Variants in PRKG2 observed in about 807,000 individuals in gnomAD.
PRKG2 encodes the protein protein kinase cGMP-dependent 2.
In PRKG2, 33 loss-of-function variants were observed where a neutral mutation model predicts 97.2. That is an observed-to-expected ratio of 0.34 (90% CI 0.26 to 0.45). PRKG2 has a LOEUF of 0.45. Ranked by LOEUF, PRKG2 falls within the 20% of genes least tolerant of loss-of-function variation. The probability of loss-of-function intolerance (pLI) is 1.00; values close to 1 mark genes in which losing one functional copy is unlikely to be tolerated. For synonymous variants in PRKG2, 330 were observed against 321.8 expected (o/e 1.03, Z -0.27); for missense variants, 638 against 900.0 (o/e 0.71, Z 3.73).
chr4:81,141,227 T>C lies in PRKG2; in HGVS notation c.1408-558A>G, dbSNP rs534583912. Among the ~76,000 whole-genome samples, 7 of 152,214 alleles carry C rather than the reference T, an allele frequency of 4.6e-5. No homozygotes were observed. In the South Asian group the frequency reaches 1.0e-3, roughly 23 times the overall value. On this transcript the variant is annotated intron_variant, in intron 11 of 18. Transcript: ENST00000264399. Reference sequence around the variant, plus strand: ...GGCCTCACTATGTTGCTCAGGCTAATTTCAAACTCCTGAGCCCAAGCAATC... The same window carrying C: ...GGCCTCACTATGTTGCTCAGGCTAACTTCAAACTCCTGAGCCCAAGCAATC...
intron 2 of PRKG2, among the ~76,000 whole-genome samples, chr4:81,194,597 TTCTC>T (rs144412702): frequency 1.3e-5 from 2 of 151,924 alleles, no homozygotes; most frequent in East Asian, 1.9e-4. Flanking sequence ...AACAAAACAT[TTCTC>T]TCTCTCTCTT....
intron 6 of PRKG2, among the ~76,000 whole-genome samples, chr4:81,160,361 T>C (rs1749508423): frequency 6.6e-6 from 1 of 152,144 alleles, no homozygotes; most frequent in Non-Finnish European, 1.5e-5. Flanking sequence ...TTTCACAGAG[T>C]AAATTCACCT....
chr4:81,171,365 A>G (rs1560600510), intron 4 of PRKG2, among the ~76,000 whole-genome samples: 1 of 152,132 alleles, frequency 6.6e-6, no homozygotes, highest in Non-Finnish European at 1.5e-5. Flanking sequence ...ATGGCTGTGT[A>G]GCATTCCATA....
At chr4:81,126,649 A>G (rs1745602195) in intron 14 of PRKG2, among the ~76,000 whole-genome samples, 1 of 151,928 alleles carries the variant, frequency 6.6e-6, no homozygotes, top group Admixed American at 6.6e-5. Flanking sequence ...TTTCTTTCAT[A>G]TGTTTTTTGC....
At chr4:81,167,743 T>C (rs1284777798) in intron 5 of PRKG2, among the ~76,000 whole-genome samples, 1 of 152,026 alleles carries the variant, frequency 6.6e-6, no homozygotes, top group African/African-American at 2.4e-5. Flanking sequence ...CTTTTAAAAT[T>C]AATGATAGCC....
Position 81,137,394 on chromosome 4 carries a change from T to C in PRKG2, c.1633A>G (p.Arg545Gly). ...TGAGTATACAAACTTTTTCATTACC[T>C]GTCCCTTAATATACTCCAGAGCTCC... ...GGELWSILRD[R>G]GSFDEPTSKF... is the part of the protein sequence containing the mutation. Residue 545 changes from arginine to glycine, a missense_variant and splice_region_variant, in exon 13 of 19, where the codon AGA (arginine) becomes GGA (glycine). Coordinates refer to ENST00000264399, the MANE Select transcript of PRKG2 (RefSeq NM_006259.3). 6.2e-7 allele frequency: 1 copy of C among 1,602,116 alleles called. No individual in the cohort carries two copies. The highest frequency in any genetic ancestry group is 8.6e-7 in the Non-Finnish European group (1 of 1,169,182).
chr4:81,124,603 G>A (rs994673885), intron 14 of PRKG2, among the ~76,000 whole-genome samples: 4 of 152,110 alleles, frequency 2.6e-5, no homozygotes, highest in Non-Finnish European at 5.9e-5. Flanking sequence ...GGCCCACCTG[G>A]AGAAGAATTA....
At chr4:81,153,410 C>CA (rs1748614064) in intron 7 of PRKG2, 2 of 392,764 alleles carry the variant, frequency 5.1e-6, no homozygotes, top group Non-Finnish European at 9.2e-6. Context: ...GGTCTCTCCC[C>CA]AAAAAATCAA....
chr4:81,105,850 T>C lies in PRKG2; in HGVS notation c.2026A>G (p.Thr676Ala), dbSNP rs745909792. ...CGAATCAAATCCTCAGGTCGTCGTG[T>C]TATCTTCCTGGGAAAATCCATTTTT... is the stretch of plus-strand genomic sequence containing the variant. The part of the protein sequence containing the change: ...IEKMDFPRKI[T>A]RRPEDLIRRL... The change falls in exon 16 of 19, where the codon ACA (threonine) becomes GCA (alanine). Residue 676 changes from threonine to alanine, a missense_variant. Thr to Ala is a moderately conservative substitution (Grantham distance 58). Coordinates refer to ENST00000264399, the MANE Select transcript of PRKG2 (RefSeq NM_006259.3). 2.5e-6 allele frequency: 4 copies of C among 1,613,914 alleles called. No individual in the cohort carries two copies. The highest frequency in any genetic ancestry group is 3.4e-6 in the Non-Finnish European group (4 of 1,179,842).
chr4:81,152,002 GT>G lies in PRKG2; in HGVS notation c.1042del (p.Thr348HisfsTer35), dbSNP rs753019548. 1 of 1,613,216 alleles carries G rather than the reference GT, an allele frequency of 6.2e-7. No homozygotes were observed. Among genetic ancestry groups the G allele is most frequent in the Non-Finnish European group, 8.5e-7 (1 of 1,179,546 alleles). ...EGHDQPQLIK[T>X]LQKGEYFGEK... Reference sequence around the variant, plus strand: ...TCCAAAGTATTCTCCTTTCTGCAGTGTTTTTATCAGCTGTGGTTGATCATGG... The same window carrying G: ...TCCAAAGTATTCTCCTTTCTGCAGTGTTTTATCAGCTGTGGTTGATCATGG... On this transcript the variant is annotated frameshift_variant, in exon 8 of 19. Coordinates refer to ENST00000264399, the MANE Select transcript of PRKG2 (RefSeq NM_006259.3). LOFTEE classifies it high-confidence loss of function.
intron 6 of PRKG2, among the ~76,000 whole-genome samples, chr4:81,158,343 G>T (rs1749294060): frequency 7.3e-6 from 1 of 137,302 alleles, no homozygotes; most frequent in Non-Finnish European, 1.5e-5. Context: ...GCTTCAAAGA[G>T]AATAAAATAC....
chr4:81,093,005 G>T (rs922043993), intron 17 of PRKG2, among the ~76,000 whole-genome samples: 1 of 152,048 alleles, frequency 6.6e-6, no homozygotes, highest in African/African-American at 2.4e-5. Flanking sequence ...AACATGCCTC[G>T]GTTCAATACT....
chr4:81,105,973 CAG>C (rs1743293792), intron 15 of PRKG2, 38 bp from the exon 16 acceptor site: 1 of 1,591,062 alleles, frequency 6.3e-7, no homozygotes, highest in Non-Finnish European at 8.6e-7. Context: ...ACATTAATAA[CAG>C]GGTCTGAGAT....
At position 81,139,899 on chromosome 4, in the gene PRKG2, T is replaced by TCC. The variant is rs537034041; in HGVS notation, c.1544+632_1544+633dup. Among the ~76,000 whole-genome samples the TCC allele has an allele frequency of 1.4e-4, 21 of 152,108 alleles. No homozygotes were observed. In the East Asian group the frequency reaches 3.9e-3, roughly 28 times the overall value. ...GGGTTGGAGAATCCAGAGTGGGGCC[T>TCC]CCTCCACCTCTTCTTTCTGTCATCT... is the stretch of plus-strand genomic sequence containing the variant. On this transcript the variant is annotated intron_variant, in intron 12 of 18. Transcript: ENST00000264399.
At chr4:81,140,725 C>T in intron 11 of PRKG2, 56 bp from the exon 12 acceptor site, 1 of 1,458,570 alleles carries the variant, frequency 6.9e-7, no homozygotes, top group Non-Finnish European at 9.5e-7. Flanking sequence ...ATAAAACACA[C>T]TAATCAATGA....
At chr4:81,094,709 G>C (rs1474206840) in intron 17 of PRKG2, among the ~76,000 whole-genome samples, 1 of 151,982 alleles carries the variant, frequency 6.6e-6, no homozygotes. Context: ...GAAGAGAAGG[G>C]GGAACCATGG....
At chr4:81,098,084 C>T (rs1451719153) in intron 17 of PRKG2, among the ~76,000 whole-genome samples, 1 of 152,122 alleles carries the variant, frequency 6.6e-6, no homozygotes, top group African/African-American at 2.4e-5. Flanking sequence ...CTGGGAAAGG[C>T]AGACCCACCC....
intron 6 of PRKG2, among the ~76,000 whole-genome samples, chr4:81,166,311 G>GT (rs1749980728): frequency 6.6e-6 from 1 of 151,680 alleles, no homozygotes; most frequent in Admixed American, 6.6e-5. Context: ...GGTTTTGGGG[G>GT]TTTTTTTTCC....
chr4:81,128,064 C>T (rs1487509789), intron 14 of PRKG2, among the ~76,000 whole-genome samples: 1 of 152,100 alleles, frequency 6.6e-6, no homozygotes, highest in Non-Finnish European at 1.5e-5. Flanking sequence ...TTATCAAAGG[C>T]CTTTTCTGCA....
Sources: gnomAD v4.1 joint callset for allele counts (sites outside exome capture counted in the v4.1 genomes callset) on GRCh38, gnomAD v4.1.1 for gene constraint, MANE v1.5 for transcripts, NCBI Gene and HGNC (gene_info 2026-07-23, HGNC 2026-07-21) for gene names.